The following CDCP1 variants were observed in gnomAD, a reference collection of about 807,000 sequenced individuals.
The protein encoded by CDCP1 is CUB domain containing protein 1, also known as CUB domain-containing protein 1.
Under a neutral mutation model 60.2 loss-of-function variants are expected in CDCP1, and 29 were observed. That is an observed-to-expected ratio of 0.48 (90% CI 0.36 to 0.66). CDCP1 has a LOEUF of 0.66. CDCP1 is among the 30% of genes least tolerant of loss of function. The pLI is 0.00. For synonymous variants in CDCP1, 387 were observed against 431.1 expected (o/e 0.90, Z 1.27); for missense variants, 876 against 1,074.3 (o/e 0.82, Z 2.58).
intron 8 of CDCP1, among the ~76,000 whole-genome samples, chr3:45,088,796 G>A (rs1698242699): frequency 1.3e-5 from 2 of 152,054 alleles, no homozygotes; most frequent in African/African-American, 2.4e-5. Context: ...TGCTTGCAGG[G>A]GACTTGTGCT....
At chr3:45,087,098 AACTG>A (rs1254613314) in intron 8 of CDCP1, among the ~76,000 whole-genome samples, 1 of 150,874 alleles carries the variant, frequency 6.6e-6, no homozygotes, top group East Asian at 2.0e-4. Flanking sequence ...GCTATCCTGA[AACTG>A]ACTGTTTATT....
chr3:45,096,862 A>T (rs1294878167), intron 4 of CDCP1, among the ~76,000 whole-genome samples: 1 of 152,164 alleles, frequency 6.6e-6, no homozygotes, highest in Non-Finnish European at 1.5e-5. Context: ...GGGGCCTGGG[A>T]GTAAAGACAG....
intron 4 of CDCP1, among the ~76,000 whole-genome samples, chr3:45,102,642 T>TAA (rs770440044): frequency 9.8e-5 from 12 of 122,308 alleles, no homozygotes; most frequent in African/African-American, 1.8e-4. Context: ...CTGTTTCTAC[T>TAA]AAAAAAAAAA....
rs374109300 is a variant in CDCP1, at chr3:45,093,455, G to T, written c.1449C>A (p.Leu483=). 2.5e-6 allele frequency: 4 copies of T among 1,614,116 alleles called. No individual in the cohort carries two copies. Among genetic ancestry groups the T allele is most frequent in the Non-Finnish European group, 3.4e-6 (4 of 1,179,956 alleles). ...CCTGGCTGGGTATGGCACTGGCCAC[G>T]AGGTAGCTGAAGCTGGTGTTGCAGG... ...EKPCNTSFSY[L]VASAIPSQDL... Residue 483 remains leucine (L), a synonymous_variant, in exon 6 of 9, where the codon CTC becomes CTA. Coordinates refer to ENST00000296129, the MANE Select transcript of CDCP1 (RefSeq NM_022842.5).
At chr3:45,138,029 C>A (rs1699218592) in intron 1 of CDCP1, among the ~76,000 whole-genome samples, 1 of 152,142 alleles carries the variant, frequency 6.6e-6, no homozygotes, top group Non-Finnish European at 1.5e-5. Context: ...CCAGTCTTGG[C>A]TAATAACACC....
chr3:45,130,097 T>C (rs1410909492), intron 1 of CDCP1, among the ~76,000 whole-genome samples: 1 of 151,766 alleles, frequency 6.6e-6, no homozygotes, highest in Non-Finnish European at 1.5e-5. Flanking sequence ...CGCTTAAGAT[T>C]TGGGTACTTA....
In CDCP1 at chr3:45,146,263, A is replaced by T. The variant is rs1298957256; in HGVS notation, c.25T>A (p.Ser9Thr). ...AGCAGAACCCCTAGCAGTGCGATAG[A>T]GACCCCGCAGTTCAGGCCGGCCATG... MAGLNCGVSIALLGVLLLG... is the reference protein window; with the variant it reads MAGLNCGVTIALLGVLLLG... Residue 9 changes from serine to threonine, a missense_variant, in exon 1 of 9, where the codon TCT becomes ACT. Coordinates refer to ENST00000296129, the MANE Select transcript of CDCP1 (RefSeq NM_022842.5). The T allele has an allele frequency of 1.4e-5, 22 of 1,590,576 alleles. No homozygotes were observed. Among genetic ancestry groups the T allele is most frequent in the Non-Finnish European group, 1.7e-5 (20 of 1,171,126 alleles).
chr3:45,125,690 T>C (rs2126003494), intron 1 of CDCP1, among the ~76,000 whole-genome samples: 1 of 152,330 alleles, frequency 6.6e-6, no homozygotes, highest in East Asian at 1.9e-4. Context: ...CCTACAGTCC[T>C]GGCTGGCTGG....
intron 4 of CDCP1, among the ~76,000 whole-genome samples, chr3:45,108,888 CATATAT>C (rs369846391): frequency 3.1e-5 from 1 of 32,474 alleles, no homozygotes; most frequent in African/African-American, 1.1e-4. Context: ...TGCATGTATA[CATATAT>C]ATATATATGC....
chr3:45,112,109 C>T lies in CDCP1; in HGVS notation c.629G>A (p.Ser210Asn). ...WFHPRNVSGF[S>N]IANRSSIKRL... The stretch of plus-strand genomic sequence containing the variant: ...TTTTATAGATGAGCGGTTTGCAATG[C>T]TGAAGCCGGAGACATTTCTGGGGTG... Residue 210 changes from serine to asparagine, a missense_variant, in exon 3 of 9, where the codon AGC (serine) becomes AAC (asparagine). Physicochemically the swap from Ser to Asn is conservative, Grantham distance 46. This residue lies in a region of CDCP1 where 726 missense variants were observed against 935.7 expected (regional missense o/e 0.78). Transcript: ENST00000296129. 6.2e-7 allele frequency: 1 copy of T among 1,613,976 alleles called. No homozygotes were observed. The highest frequency in any genetic ancestry group is 8.5e-7 in the Non-Finnish European group (1 of 1,179,890).
At position 45,108,951 on chromosome 3, in the gene CDCP1, A is replaced by ATTTT. The variant is rs1232293607; in HGVS notation, c.1024+1521_1024+1522insAAAA. 1.2e-4 allele frequency among the ~76,000 whole-genome samples: 3 copies of ATTTT among 25,080 alleles called. 1 individual carries two copies. Among genetic ancestry groups the ATTTT allele is most frequent in the Non-Finnish European group, 1.7e-4 (2 of 11,942 alleles). The allele number at this position is 25,080 out of a possible 152,430, so 16.5% of individuals were successfully genotyped here. On this transcript the variant is annotated intron_variant, in intron 4 of 8. Coordinates refer to ENST00000296129, the MANE Select transcript of CDCP1 (RefSeq NM_022842.5). ...TGCATGTATACATATATATATATAT[A>ATTTT]TATTTTTTTTTTTTTTGAGATGGAG...
chr3:45,144,624 G>T (rs1351122977), intron 1 of CDCP1, among the ~76,000 whole-genome samples: 1 of 152,166 alleles, frequency 6.6e-6, no homozygotes, highest in Non-Finnish European at 1.5e-5. Context: ...CTCATTATTA[G>T]CAATGCCTTG....
chr3:45,083,855 G>T lies in CDCP1; in HGVS notation c.*1783C>A, dbSNP rs1327659641. 1.3e-5 allele frequency: 2 copies of T among 151,526 alleles called. No homozygotes were observed. Among genetic ancestry groups the T allele is most frequent in the Admixed American group, 6.6e-5 (1 of 15,172 alleles). 9.4% of individuals were successfully genotyped at this position (151,526 alleles called of 1,614,324 possible). A position where few individuals can be genotyped will look rare whatever the true frequency, so the allele number is the denominator to read the frequency against. On this transcript the variant is annotated 3_prime_UTR_variant, in exon 9 of 9. Transcript: ENST00000296129. ...GCCCAGGAGGCAGAGGTTGCAGTGA[G>T]CCGAGATTGCGCCACTGCACTCCAG...
intron 1 of CDCP1, 37 bp from the exon 2 acceptor site, chr3:45,118,658 T>C: frequency 6.3e-7 from 1 of 1,575,162 alleles, no homozygotes; most frequent in Non-Finnish European, 8.7e-7. Context: ...AGCAGGATGA[T>C]TTAGGTCTGC....
chr3:45,123,983 A>C (rs1698931264), intron 1 of CDCP1, among the ~76,000 whole-genome samples: 1 of 152,154 alleles, frequency 6.6e-6, no homozygotes, highest in African/African-American at 2.4e-5. Flanking sequence ...CTCCTGAGTC[A>C]CACACAGCTC....
intron 1 of CDCP1, among the ~76,000 whole-genome samples, chr3:45,140,932 G>C (rs527909514): frequency 1.3e-5 from 2 of 152,316 alleles, no homozygotes; most frequent in East Asian, 3.9e-4. Context: ...TGGGCGTGGT[G>C]GCTCACGCCT....
intron 1 of CDCP1, among the ~76,000 whole-genome samples, chr3:45,124,378 TGGGACTC>T (rs2126002819): frequency 6.6e-6 from 1 of 152,296 alleles, no homozygotes; most frequent in African/African-American, 2.4e-5. Context: ...TGGTTGCCTG[TGGGACTC>T]GGCTCTCATT....
chr3:45,135,703 G>A (rs992330515), intron 1 of CDCP1, among the ~76,000 whole-genome samples: 6 of 152,096 alleles, frequency 3.9e-5, no homozygotes, highest in Admixed American at 2.6e-4. Flanking sequence ...GGCCAAACTC[G>A]GGGTTTTGTT....
chr3:45,113,489 G>A (rs1037024725), intron 2 of CDCP1, among the ~76,000 whole-genome samples: 1 of 152,208 alleles, frequency 6.6e-6, no homozygotes, highest in Non-Finnish European at 1.5e-5. Flanking sequence ...AGGTGTGATA[G>A]ACTCTGGCCT....
Sources: allele counts gnomAD v4.1 joint callset (sites outside exome capture counted in the v4.1 genomes callset), GRCh38; gene constraint gnomAD v4.1.1; regional missense constraint gnomAD v4.1.1; transcripts MANE v1.5; gene names NCBI Gene and HGNC (gene_info 2026-07-23, HGNC 2026-07-21).